CAMK2D: variants seen among roughly 807,000 people sequenced by gnomAD.
The protein encoded by CAMK2D is calcium/calmodulin-dependent protein kinase type II subunit delta.
A neutral mutation model predicts 84.0 loss-of-function variants in CAMK2D; 37 were observed. The ratio of observed to expected loss-of-function variants is 0.44; its 90% CI spans 0.34 to 0.58. The LOEUF (loss-of-function observed/expected upper bound fraction) is 0.58. CAMK2D is among the 20% of genes least tolerant of loss of function. The pLI, the probability that CAMK2D is intolerant of heterozygous loss-of-function variation, is 0.02. For synonymous variants in CAMK2D, 202 were observed against 212.5 expected (o/e 0.95, Z 0.43); for missense variants, 448 against 652.5 (o/e 0.69, Z 3.41).
intron 2 of CAMK2D, among the ~76,000 whole-genome samples, chr4:113,664,939 C>G (rs28714329): frequency 0.18 from 26,890 of 152,018 alleles, 3,889 homozygotes; most frequent in African/African-American, 0.39. Context: ...AAGTAGCTGG[C>G]ATTGCAGGCA....
At chr4:113,569,712 C>T (rs988654614) in intron 4 of CAMK2D, among the ~76,000 whole-genome samples, 1 of 152,132 alleles carries the variant, frequency 6.6e-6, no homozygotes, top group African/African-American at 2.4e-5. Flanking sequence ...GGTCAGAATT[C>T]ATGCAATTCT....
intron 2 of CAMK2D, chr4:113,754,188 T>C (rs990664097): frequency 1.0e-6 from 1 of 953,838 alleles, no homozygotes. Flanking sequence ...TTAAAATCTT[T>C]AACACAGCCT....
chr4:113,622,587 A>G (rs538202698), intron 3 of CAMK2D, among the ~76,000 whole-genome samples: 1 of 152,272 alleles, frequency 6.6e-6, no homozygotes, highest in East Asian at 1.9e-4. Flanking sequence ...CCACAAAGTG[A>G]CGCCCCATCT....
intron 2 of CAMK2D, among the ~76,000 whole-genome samples, chr4:113,718,604 T>C (rs2099520819): frequency 6.6e-6 from 1 of 152,224 alleles, no homozygotes; most frequent in Admixed American, 6.5e-5. Context: ...GTTCGTTTGT[T>C]AGTCCTGCAA....
intron 16 of CAMK2D, among the ~76,000 whole-genome samples, chr4:113,492,353 G>C (rs911628819): frequency 2.6e-5 from 4 of 151,892 alleles, no homozygotes; most frequent in African/African-American, 9.7e-5. Context: ...CTTTGTTCTC[G>C]TTGGTTTCAA....
intron 8 of CAMK2D, among the ~76,000 whole-genome samples, chr4:113,519,544 C>A (rs914663339): frequency 6.6e-6 from 1 of 151,878 alleles, no homozygotes; most frequent in Non-Finnish European, 1.5e-5. Context: ...ATTATAGGTG[C>A]TATTGACTAG....
intron 13 of CAMK2D, among the ~76,000 whole-genome samples, chr4:113,506,354 T>C (rs192238621): frequency 3.0e-4 from 45 of 152,336 alleles, no homozygotes; most frequent in Non-Finnish European, 5.7e-4. Context: ...ACTGTGCTGC[T>C]TGACCCACAG....
At chr4:113,538,666 A>G (rs559777089) in intron 6 of CAMK2D, among the ~76,000 whole-genome samples, 1 of 152,338 alleles carries the variant, frequency 6.6e-6, no homozygotes, top group East Asian at 1.9e-4. Flanking sequence ...TTTCCCACTG[A>G]ATTTGTCAAT....
intron 3 of CAMK2D, among the ~76,000 whole-genome samples, chr4:113,655,989 T>C (rs1220746147): frequency 6.6e-6 from 1 of 152,164 alleles, no homozygotes; most frequent in African/African-American, 2.4e-5. Context: ...ACCTCAAATA[T>C]TTTATTTCAA....
intron 4 of CAMK2D, among the ~76,000 whole-genome samples, chr4:113,572,342 T>C (rs1362564891): frequency 6.6e-6 from 1 of 151,990 alleles, no homozygotes; most frequent in Non-Finnish European, 1.5e-5. Flanking sequence ...ATTTATAAGA[T>C]TTAAAAAATA....
rs144478732 is a variant in CAMK2D, at chr4:113,457,210, A to T, written c.1535+125T>A. 4.4e-4 allele frequency: 637 copies of T among 1,456,730 alleles called. 4 individuals carry two copies. In the African/African-American group the frequency reaches 8.2e-3, roughly 19 times the overall value. The allele number at this position is 1,456,730 out of a possible 1,614,324, so 90.2% of individuals were successfully genotyped here. On this transcript the variant is annotated intron_variant, in intron 19 of 20. Coordinates refer to ENST00000511664, the MANE Select transcript of CAMK2D (RefSeq NM_001321571.2). Reference sequence around the variant, plus strand: ...ATAAACCTTTCCCGTGAAGGCATTTATTTTCATCAGTGTAACCAACTACTA... The same window carrying T: ...ATAAACCTTTCCCGTGAAGGCATTTTTTTTCATCAGTGTAACCAACTACTA...
chr4:113,612,667 G>C (rs991848008), intron 3 of CAMK2D, among the ~76,000 whole-genome samples: 4 of 152,142 alleles, frequency 2.6e-5, no homozygotes, highest in Non-Finnish European at 4.4e-5. Flanking sequence ...GAGAAAACAG[G>C]TTATAATACA....
At chr4:113,572,435 T>A (rs2098757869) in intron 4 of CAMK2D, among the ~76,000 whole-genome samples, 1 of 151,528 alleles carries the variant, frequency 6.6e-6, no homozygotes, top group Admixed American at 6.6e-5. Flanking sequence ...TACACTGGAA[T>A]GAAATTTTTA....
At chr4:113,608,893 T>C (rs2098988286) in intron 4 of CAMK2D, among the ~76,000 whole-genome samples, 1 of 152,206 alleles carries the variant, frequency 6.6e-6, no homozygotes, top group Non-Finnish European at 1.5e-5. Flanking sequence ...GAACCACTCA[T>C]GACATCACAA....
At chr4:113,614,706 T>C (rs2099014523) in intron 3 of CAMK2D, among the ~76,000 whole-genome samples, 1 of 152,154 alleles carries the variant, frequency 6.6e-6, no homozygotes, top group Non-Finnish European at 1.5e-5. Flanking sequence ...AATAATAAAC[T>C]GATGTTATTT....
At chr4:113,458,025 A>G (rs2154101904) in intron 18 of CAMK2D, among the ~76,000 whole-genome samples, 1 of 152,322 alleles carries the variant, frequency 6.6e-6, no homozygotes, top group Admixed American at 6.5e-5. Context: ...GGAGAAGGGA[A>G]ATATATCAAG....
In CAMK2D at chr4:113,706,922, G is replaced by GT. The variant is rs931241849; in HGVS notation, c.161-45151dup. Among the ~76,000 whole-genome samples, 218 of 148,906 alleles carry GT rather than the reference G, an allele frequency of 1.5e-3. 1 individual carries two copies. The highest frequency in any genetic ancestry group is 4.3e-3 in the African/African-American group (175 of 40,716). On this transcript the variant is annotated intron_variant, in intron 2 of 20. Coordinates refer to ENST00000511664, the MANE Select transcript of CAMK2D (RefSeq NM_001321571.2). Reference sequence around the variant, plus strand: ...TGAATACATTAAAATCTTTTAAAAAGTTTTTTTTTTCACATCAAAATATCC... The same window carrying GT: ...TGAATACATTAAAATCTTTTAAAAAGTTTTTTTTTTTCACATCAAAATATCC...
chr4:113,716,844 C>A (rs1168535704), intron 2 of CAMK2D, among the ~76,000 whole-genome samples: 1 of 152,018 alleles, frequency 6.6e-6, no homozygotes, highest in South Asian at 2.1e-4. Context: ...AAAACTGAAT[C>A]CCTACAAATT....
intron 6 of CAMK2D, among the ~76,000 whole-genome samples, chr4:113,546,559 G>T (rs1374111499): frequency 6.6e-6 from 1 of 152,196 alleles, no homozygotes; most frequent in Non-Finnish European, 1.5e-5. Flanking sequence ...AGAACATTAA[G>T]TGACTGGAAA....
Sources: gnomAD v4.1 joint callset for allele counts (sites outside exome capture counted in the v4.1 genomes callset) on GRCh38, gnomAD v4.1.1 for gene constraint, MANE v1.5 for transcripts, NCBI Gene and HGNC (gene_info 2026-07-23, HGNC 2026-07-21) for gene names.